Variants in MFHAS1 observed in about 807,000 individuals in gnomAD.
MFHAS1 encodes malignant fibrous histiocytoma-amplified sequence 1.
Under a neutral mutation model 70.4 loss-of-function variants are expected in MFHAS1, and 50 were observed. The ratio of observed to expected loss-of-function variants is 0.71; its 90% CI spans 0.57 to 0.90. The LOEUF (loss-of-function observed/expected upper bound fraction) is 0.90. MFHAS1 is among the 40% of genes least tolerant of loss of function. The pLI, the probability that MFHAS1 is intolerant of heterozygous loss-of-function variation, is 0.00. For synonymous variants in MFHAS1, 952 were observed against 620.0 expected (o/e 1.54, Z -7.96); for missense variants, 1,795 against 1,347.6 (o/e 1.33, Z -5.20).
At chr8:8,801,513 T>G (rs148388639) in intron 1 of MFHAS1, among the ~76,000 whole-genome samples, 36 of 152,308 alleles carry the variant, frequency 2.4e-4, no homozygotes, top group African/African-American at 8.7e-4. Flanking sequence ...GCCAGTATCC[T>G]CAGGATTTAA....
At chr8:8,849,212 C>G (rs1808151100) in intron 1 of MFHAS1, among the ~76,000 whole-genome samples, 1 of 151,782 alleles carries the variant, frequency 6.6e-6, no homozygotes, top group Middle Eastern at 3.2e-3. Context: ...TCCCGAGTAG[C>G]TGGGACTACA....
In MFHAS1 at chr8:8,890,718, G is replaced by A. The variant is rs370580365; in HGVS notation, c.2341C>T (p.Arg781Trp). Reference sequence around the variant, plus strand: ...ACATACTGATGGAGCTGGGTGGCCCGGAGCAGTTCCTGGCTGGGGGTGGAC... The same window carrying A: ...ACATACTGATGGAGCTGGGTGGCCCAGAGCAGTTCCTGGCTGGGGGTGGAC... ...ARSTPSQELL[R>W]ATQLHQYVEG... The change falls in exon 1 of 3, where the codon CGG (arginine) becomes TGG (tryptophan). Residue 781 changes from arginine (R) to tryptophan (W), a missense_variant. Arg to Trp is a moderately radical substitution (Grantham distance 101). Coordinates refer to ENST00000276282, the MANE Select transcript of MFHAS1 (RefSeq NM_004225.3). The A allele has an allele frequency of 1.7e-5, 27 of 1,613,536 alleles. No homozygotes were observed. In the African/African-American group the frequency reaches 2.8e-4, roughly 17 times the overall value.
At chr8:8,875,694 G>T (rs1307892594) in intron 1 of MFHAS1, among the ~76,000 whole-genome samples, 1 of 152,082 alleles carries the variant, frequency 6.6e-6, no homozygotes, top group Non-Finnish European at 1.5e-5. Context: ...GGGTTCAAGC[G>T]ATTCTCCTGC....
intron 1 of MFHAS1, among the ~76,000 whole-genome samples, chr8:8,879,613 A>AC (rs1809432721): frequency 6.6e-6 from 1 of 151,988 alleles, no homozygotes; most frequent in South Asian, 2.1e-4. Flanking sequence ...GTAGGATCAC[A>AC]TTTTTTTTCT....
chr8:8,804,676 T>C (rs915224348), intron 1 of MFHAS1, among the ~76,000 whole-genome samples: 3 of 152,052 alleles, frequency 2.0e-5, no homozygotes, highest in African/African-American at 7.2e-5. Context: ...TCCAAAGTGG[T>C]GATAGTTATA....
At chr8:8,797,514 G>A (rs768776792) in intron 1 of MFHAS1, 23 bp from the exon 2 acceptor site, 12 of 1,605,574 alleles carry the variant, frequency 7.5e-6, no homozygotes, top group African/African-American at 2.7e-5. Flanking sequence ...AGAGAAAAAC[G>A]TGTTAGGGAG....
intron 1 of MFHAS1, among the ~76,000 whole-genome samples, chr8:8,837,712 A>C (rs1392169380): frequency 6.6e-6 from 1 of 152,138 alleles, no homozygotes; most frequent in Non-Finnish European, 1.5e-5. Flanking sequence ...GCAAATTTAA[A>C]ACACAATGAG....
intron 2 of MFHAS1, among the ~76,000 whole-genome samples, chr8:8,787,353 T>G (rs1226025772): frequency 6.6e-6 from 1 of 152,128 alleles, no homozygotes; most frequent in Non-Finnish European, 1.5e-5. Context: ...GTACTGGGAT[T>G]ACAGGTGTGA....
intron 1 of MFHAS1, among the ~76,000 whole-genome samples, chr8:8,851,190 A>C (rs973603769): frequency 1.1e-4 from 16 of 152,244 alleles, no homozygotes; most frequent in African/African-American, 3.9e-4. Flanking sequence ...AATGTTACCA[A>C]AAAGAATGTG....
intron 1 of MFHAS1, among the ~76,000 whole-genome samples, chr8:8,834,950 G>T (rs1046564211): frequency 6.6e-5 from 10 of 152,118 alleles, no homozygotes; most frequent in Admixed American, 4.6e-4. Flanking sequence ...GGATCTAATG[G>T]AACTGGTAGG....
At chr8:8,854,099 A>G (rs1207607078) in intron 1 of MFHAS1, among the ~76,000 whole-genome samples, 1 of 152,196 alleles carries the variant, frequency 6.6e-6, no homozygotes. Context: ...TGCCCAATTT[A>G]CAAAACAAAA....
intron 1 of MFHAS1, among the ~76,000 whole-genome samples, chr8:8,804,084 T>C (rs571058869): frequency 1.1e-4 from 16 of 152,318 alleles, no homozygotes; most frequent in African/African-American, 3.6e-4. Flanking sequence ...TTGGTACCCA[T>C]GGGGGTCCTG....
Position 8,890,427 on chromosome 8 carries a change from C to T in MFHAS1, c.2632G>A (p.Glu878Lys). 1 of 1,613,980 alleles carries T rather than the reference C, an allele frequency of 6.2e-7. No homozygotes were observed. The highest frequency in any genetic ancestry group is 8.5e-7 in the Non-Finnish European group (1 of 1,180,046). ...TNLAGQSFVA[E>K]QLQIEYSFPF... Reference sequence around the variant, plus strand: ...AAGCTATATTCAATCTGCAACTGCTCAGCCACAAAAGACTGCCCAGCTAGG... The same window carrying T: ...AAGCTATATTCAATCTGCAACTGCTTAGCCACAAAAGACTGCCCAGCTAGG... Residue 878 changes from glutamate (E) to lysine (K), a missense_variant, in exon 1 of 3, where the codon GAG (glutamate) becomes AAG (lysine). Coordinates refer to ENST00000276282, the MANE Select transcript of MFHAS1 (RefSeq NM_004225.3).
At chr8:8,868,308 TTCGGCTA>T (rs1808938253) in intron 1 of MFHAS1, among the ~76,000 whole-genome samples, 1 of 151,580 alleles carries the variant, frequency 6.6e-6, no homozygotes, top group Admixed American at 6.6e-5. Flanking sequence ...TGTTGTATCT[TTCGGCTA>T]ATAATATAGA....
intron 1 of MFHAS1, among the ~76,000 whole-genome samples, chr8:8,840,185 A>T (rs753851696): frequency 3.3e-5 from 5 of 152,196 alleles, no homozygotes; most frequent in Non-Finnish European, 7.4e-5. Flanking sequence ...GGCCGGGCAC[A>T]GTGACTCACG....
Position 8,830,358 on chromosome 8 carries a change from G to A in MFHAS1, c.2999-32867C>T, listed in dbSNP as rs116995504. Among the ~76,000 whole-genome samples the A allele has an allele frequency of 4.4e-3, 664 of 152,260 alleles. 3 individuals carry two copies. Among genetic ancestry groups the A allele is most frequent in the Admixed American group, 7.3e-3 (111 of 15,296 alleles). ...AAGTTATTATTAAGTGTCAGCCACC[G>A]TTTTCATCAAACGATTTGGCTTTCA... On this transcript the variant is annotated intron_variant, in intron 1 of 2. Coordinates refer to ENST00000276282, the MANE Select transcript of MFHAS1 (RefSeq NM_004225.3).
At chr8:8,826,121 G>C (rs1025243861) in intron 1 of MFHAS1, among the ~76,000 whole-genome samples, 3 of 152,062 alleles carry the variant, frequency 2.0e-5, no homozygotes, top group Non-Finnish European at 4.4e-5. Flanking sequence ...AAATTTGCAG[G>C]AAAGAACACT....
rs564871573 is a variant in MFHAS1 at position 8,870,641 on chromosome 8, C to CCA, written c.2998+19418_2998+19419dup. Among the ~76,000 whole-genome samples, 760 of 152,006 alleles carry CCA rather than the reference C, an allele frequency of 5.0e-3. 7 individuals are homozygous for CCA. The highest frequency in any genetic ancestry group is 0.018 in the African/African-American group (728 of 41,438). On this transcript the variant is annotated intron_variant, in intron 1 of 2. Coordinates refer to ENST00000276282, the MANE Select transcript of MFHAS1 (RefSeq NM_004225.3). ...GAGACCTCCCATCCATCTAACCACC[C>CCA]CACACACACACACGTGGATCAAGAC...
At chr8:8,849,363 G>A (rs964091868) in intron 1 of MFHAS1, among the ~76,000 whole-genome samples, 1 of 152,118 alleles carries the variant, frequency 6.6e-6, no homozygotes. Context: ...TTACAAGTGT[G>A]AGCCACCGCA....
Sources: allele counts gnomAD v4.1 joint callset (sites outside exome capture counted in the v4.1 genomes callset), GRCh38; gene constraint gnomAD v4.1.1; transcripts MANE v1.5; gene names NCBI Gene and HGNC (gene_info 2026-07-23, HGNC 2026-07-21).